MIS18BP1: variants seen among roughly 807,000 people sequenced by gnomAD.
MIS18BP1 encodes MIS18 binding protein 1, also known as mis18-binding protein 1.
A neutral mutation model predicts 116.1 loss-of-function variants in MIS18BP1; 72 were observed. The observed-to-expected ratio is 0.62, with a 90% CI of 0.51 to 0.75. MIS18BP1 has a LOEUF of 0.75. Ranked by LOEUF, MIS18BP1 falls within the 30% of genes least tolerant of loss-of-function variation. The pLI is 0.00. For missense variants in MIS18BP1, 1,363 were observed against 1,303.2 expected (o/e 1.05, Z -0.71); for synonymous variants, 386 against 427.0 (o/e 0.90, Z 1.18).
chr14:45,205,564 A>C (rs1187544789), intron 15 of MIS18BP1, among the ~76,000 whole-genome samples: 1 of 152,154 alleles, frequency 6.6e-6, no homozygotes, highest in African/African-American at 2.4e-5. Context: ...CATTCTATTA[A>C]GGCATCTTTC....
intron 6 of MIS18BP1, among the ~76,000 whole-genome samples, chr14:45,235,567 G>A (rs1160069417): frequency 7.0e-6 from 1 of 143,830 alleles, no homozygotes; most frequent in Non-Finnish European, 1.5e-5. Flanking sequence ...TCCAGCCTGG[G>A]TGACAGAGCA....
chr14:45,247,386 C>G lies in MIS18BP1; in HGVS notation c.-91-9G>C. On this transcript the variant is annotated splice_polypyrimidine_tract_variant and intron_variant, in intron 1 of 16. Coordinates refer to ENST00000310806, the MANE Select transcript of MIS18BP1 (RefSeq NM_018353.5). ...AAGGGATCCACAGAAACCTGTAGTT[C>G]AACGTAAAATCAGCCTTTATCATGC... is the stretch of plus-strand genomic sequence containing the variant. 2 of 1,003,536 alleles carry G rather than the reference C, an allele frequency of 2.0e-6. No homozygotes were observed. The highest frequency in any genetic ancestry group is 2.8e-6 in the Non-Finnish European group (2 of 705,160). The allele number at this position is 1,003,536 out of a possible 1,614,324, so 62.2% of individuals were successfully genotyped here.
At chr14:45,232,232 T>C (rs746149492) in intron 7 of MIS18BP1, among the ~76,000 whole-genome samples, 24 of 151,372 alleles carry the variant, frequency 1.6e-4, no homozygotes, top group Admixed American at 3.9e-4. Flanking sequence ...CTGGCTAACA[T>C]GGTGAAACCC....
In MIS18BP1 at chr14:45,247,246, G is replaced by A; in HGVS notation, c.41C>T (p.Pro14Leu). Residue 14 changes from proline (P) to leucine (L), a missense_variant, in exon 2 of 17, where the codon CCT (proline) becomes CTT (leucine). Transcript: ENST00000310806. ...TCTCCTTTGAGAAGATGCCTCTGGA[G>A]GTAAGTAAATTCTTGAATGTTTCAA... ...TPLKHSRIYL[P>L]PEASSQRRNL... is the part of the protein sequence containing the mutation. 2 of 1,594,470 alleles carry A rather than the reference G, an allele frequency of 1.3e-6. No homozygotes were observed. The highest frequency in any genetic ancestry group is 1.1e-5 in the South Asian group (1 of 87,150).
chr14:45,235,983 C>A (rs770456554), intron 5 of MIS18BP1, 39 bp from the exon 6 acceptor site: 12 of 1,520,230 alleles, frequency 7.9e-6, no homozygotes, highest in Admixed American at 4.1e-5. Context: ...TCAAAATATT[C>A]ATATAGAAAT....
Position 45,223,913 on chromosome 14 carries a change from C to T in MIS18BP1, c.2669+5G>A. ...GATATTTCGGAATGAAATCTAACTA[C>T]TTACCAATGAAGTTTCTGTAACTCC... On this transcript the variant is annotated splice_donor_5th_base_variant and intron_variant, in intron 11 of 16. Coordinates refer to ENST00000310806, the MANE Select transcript of MIS18BP1 (RefSeq NM_018353.5). 1.3e-6 allele frequency: 2 copies of T among 1,554,344 alleles called. No individual in the cohort carries two copies. Among genetic ancestry groups the T allele is most frequent in the Non-Finnish European group, 1.7e-6 (2 of 1,155,630 alleles).
At chr14:45,242,680 C>T (rs1891614914) in intron 3 of MIS18BP1, 81 bp downstream of exon 3, 19 of 1,453,086 alleles carry the variant, frequency 1.3e-5, no homozygotes, top group Admixed American at 4.3e-5. Context: ...AAGTTTAATG[C>T]CCACACAAGG....
chr14:45,210,208 A>G (rs1437128064), intron 14 of MIS18BP1, 172 bp downstream of exon 14: 1 of 610,422 alleles, frequency 1.6e-6, no homozygotes, highest in East Asian at 2.9e-5. Flanking sequence ...TTTATTGAAT[A>G]GCACCCCGAT....
At chr14:45,215,046 C>A (rs555367199) in intron 13 of MIS18BP1, among the ~76,000 whole-genome samples, 1 of 152,122 alleles carries the variant, frequency 6.6e-6, no homozygotes, top group Admixed American at 6.5e-5. Context: ...CCACCATGCC[C>A]GGCAGTTCTG....
intron 5 of MIS18BP1, among the ~76,000 whole-genome samples, chr14:45,236,152 A>G (rs955046972): frequency 6.6e-6 from 1 of 152,210 alleles, no homozygotes; most frequent in African/African-American, 2.4e-5. Context: ...CTGTGGCCAA[A>G]CCATGTCCCT....
Position 45,252,585 on chromosome 14 carries a change from C to T in MIS18BP1, c.-92+450G>A, listed in dbSNP as rs370142004. ...AAAGTGTGGGATCACAGGCGTGTGC[C>T]ACCGCGCCCGACCATTTTCTAAATA... On this transcript the variant is annotated intron_variant, in intron 1 of 16. Coordinates refer to ENST00000310806, the MANE Select transcript of MIS18BP1 (RefSeq NM_018353.5). Among the ~76,000 whole-genome samples the T allele has an allele frequency of 3.0e-4, 46 of 152,212 alleles. No homozygotes were observed. In the East Asian group the frequency reaches 6.2e-3, roughly 20 times the overall value.
chr14:45,227,646 G>A lies in MIS18BP1; in HGVS notation c.1746+17C>T. 1 of 1,604,056 alleles carries A rather than the reference G, an allele frequency of 6.2e-7. No individual in the cohort carries two copies. The highest frequency in any genetic ancestry group is 2.2e-5 in the East Asian group (1 of 44,768). On this transcript the variant is annotated intron_variant, in intron 9 of 16. Coordinates refer to ENST00000310806, the MANE Select transcript of MIS18BP1 (RefSeq NM_018353.5). ...TAAATATCAACTTGAACTATACAGT[G>A]TACAATAAAGCCTTACCTGATTAGA...
Position 45,247,388 on chromosome 14 carries a change from A to G in MIS18BP1, c.-91-11T>C. On this transcript the variant is annotated splice_polypyrimidine_tract_variant and intron_variant, in intron 1 of 16. Transcript: ENST00000310806. The stretch of plus-strand genomic sequence containing the variant: ...GGGATCCACAGAAACCTGTAGTTCA[A>G]CGTAAAATCAGCCTTTATCATGCTT... 2 of 951,256 alleles carry G rather than the reference A, an allele frequency of 2.1e-6. No homozygotes were observed. Among genetic ancestry groups the G allele is most frequent in the Non-Finnish European group, 1.5e-6 (1 of 658,490 alleles). 58.9% of individuals were successfully genotyped at this position (951,256 alleles called of 1,614,324 possible).
At chr14:45,241,867 G>A (rs1253336102) in intron 4 of MIS18BP1, 167 bp downstream of exon 4, 7 of 715,306 alleles carry the variant, frequency 9.8e-6, no homozygotes, top group Middle Eastern at 4.1e-4. Context: ...ATGTCACACT[G>A]TCACTGCAGT....
At chr14:45,208,440 C>A (rs1890583963) in intron 14 of MIS18BP1, among the ~76,000 whole-genome samples, 1 of 145,396 alleles carries the variant, frequency 6.9e-6, no homozygotes, top group Non-Finnish European at 1.5e-5. Flanking sequence ...TCAGGTGATT[C>A]TCCTGCCTCA....
At chr14:45,248,017 T>A (rs1032245054) in intron 1 of MIS18BP1, among the ~76,000 whole-genome samples, 1 of 151,664 alleles carries the variant, frequency 6.6e-6, no homozygotes. Context: ...GCAGAAATAC[T>A]GTACTTGAGT....
intron 2 of MIS18BP1, 71 bp downstream of exon 2, chr14:45,246,672 C>G (rs1421173171): frequency 7.1e-7 from 1 of 1,407,128 alleles, no homozygotes; most frequent in African/African-American, 1.4e-5. Context: ...ATATTCTGAG[C>G]ACCTAAAACA....
At chr14:45,232,144 C>T (rs189455958) in intron 7 of MIS18BP1, among the ~76,000 whole-genome samples, 40 of 152,220 alleles carry the variant, frequency 2.6e-4, no homozygotes, top group East Asian at 1.5e-3. Context: ...CAGGCGGGCG[C>T]GGTGTCTCAC....
intron 6 of MIS18BP1, 57 bp from the exon 7 acceptor site, chr14:45,232,877 TATC>T: frequency 1.2e-6 from 1 of 803,808 alleles, no homozygotes; most frequent in East Asian, 2.7e-5. Context: ...TTTAAACAGA[TATC>T]ATTAATTCAT....
Sources: gnomAD v4.1 joint callset for allele counts (sites outside exome capture counted in the v4.1 genomes callset) on GRCh38, gnomAD v4.1.1 for gene constraint, MANE v1.5 for transcripts, NCBI Gene and HGNC (gene_info 2026-07-23, HGNC 2026-07-21) for gene names.